The following RBM45 variants were observed in gnomAD, a reference collection of about 807,000 sequenced individuals.
The protein encoded by RBM45 is RNA-binding protein 45.
RBM45 carries 39 observed loss-of-function variants against 58.5 expected under a neutral mutation model. The ratio of observed to expected loss-of-function variants is 0.67; its 90% confidence interval spans 0.52 to 0.87. The LOEUF (loss-of-function observed/expected upper bound fraction) is 0.87. Ranked by LOEUF, RBM45 falls within the 40% of genes least tolerant of loss-of-function variation. RBM45 has a pLI of 0.00. For missense variants in RBM45, 481 were observed against 581.6 expected (o/e 0.83, Z 1.78); for synonymous variants, 193 against 203.0 (o/e 0.95, Z 0.42).
At chr2:178,117,686 A>C (rs1004108666) in intron 2 of RBM45, among the ~76,000 whole-genome samples, 1 of 152,232 alleles carries the variant, frequency 6.6e-6, no homozygotes, top group African/African-American at 2.4e-5. Flanking sequence ...TCTTTAATAA[A>C]GAGGTAGGCA....
intron 2 of RBM45, 44 bp downstream of exon 2, chr2:178,116,428 T>C (rs777133211): frequency 1.3e-5 from 20 of 1,536,286 alleles, no homozygotes; most frequent in Non-Finnish European, 1.6e-5. Context: ...CTCATAGTCC[T>C]GCATAGGTTG....
Position 178,112,857 on chromosome 2 carries a change from C to T in RBM45, c.300+11C>T, listed in dbSNP as rs768052678. ...ACCAAGCCCATCAAGGTGCGGGTGC[C>T]CGGGTCGGGGTGCCCTCGGGGGAAG... On this transcript the variant is annotated intron_variant, in intron 1 of 9. Transcript: ENST00000286070. The T allele has an allele frequency of 1.3e-6, 2 of 1,599,030 alleles. No individual in the cohort carries two copies. The highest frequency in any genetic ancestry group is 1.3e-5 in the African/African-American group (1 of 74,796).
chr2:178,113,778 C>T (rs906795555), intron 1 of RBM45, among the ~76,000 whole-genome samples: 4 of 152,190 alleles, frequency 2.6e-5, no homozygotes, highest in African/African-American at 9.7e-5. Flanking sequence ...TTGTAGCCTT[C>T]GTCTGCCCCA....
chr2:178,137,339 C>T (rs1034300991), exon 4 of RBM45: 10 of 152,152 alleles, frequency 6.6e-5, no homozygotes, highest in African/African-American at 2.2e-4. Flanking sequence ...TAAAGTTGAA[C>T]ATATGTATAC....
At chr2:178,131,292 A>G (rs1201278178), downstream of RBM45, among the ~76,000 whole-genome samples, 1 of 152,224 alleles carries the variant, frequency 6.6e-6, no homozygotes, top group Non-Finnish European at 1.5e-5. Flanking sequence ...TATCTCAAAA[A>G]TATTTCTGCC....
In RBM45 at chr2:178,116,356, CAGA is replaced by C. The variant is rs1559077951; in HGVS notation, c.402_404del (p.Glu134del). The C allele has an allele frequency of 6.2e-7, 1 of 1,604,966 alleles. No homozygotes were observed. Among genetic ancestry groups the C allele is most frequent in the Non-Finnish European group, 8.5e-7 (1 of 1,177,674 alleles). On this transcript the variant is annotated inframe_deletion, in exon 2 of 10. Coordinates refer to ENST00000286070, the MANE Select transcript of RBM45 (RefSeq NM_152945.4). ...TTTGTTATGATACCAAAGTCCTACA[CAGA>C]AGAAGATCTGCGGGAAAAATTTAAG... is the stretch of plus-strand genomic sequence containing the variant.
chr2:178,136,460 T>C (rs2088046204), intron 3 of RBM45: 1 of 152,242 alleles, frequency 6.6e-6, no homozygotes, highest in Non-Finnish European at 1.5e-5. Flanking sequence ...ATTCCTTCAC[T>C]AGTGGCCCTG....
intron 6 of RBM45, 72 bp from the exon 7 acceptor site, chr2:178,123,754 GTC>G: frequency 6.3e-7 from 1 of 1,596,686 alleles, no homozygotes; most frequent in Non-Finnish European, 8.5e-7. Flanking sequence ...AGGTGAGAAA[GTC>G]ACACAAAACA....
At chr2:178,123,476 A>G in intron 5 of RBM45, 46 bp from the exon 6 acceptor site, 1 of 1,523,502 alleles carries the variant, frequency 6.6e-7, no homozygotes, top group East Asian at 2.3e-5. Flanking sequence ...GGCCTTAGGC[A>G]CTCAGTCTGC....
chr2:178,112,823 CCCAA>C lies in RBM45; in HGVS notation c.279_282del (p.Asn94ThrfsTer32). ...GGAGATGCATGGCCAGTGCCTCGGC[CCCAA>C]CGACACCAAGCCCATCAAGGTGCGG... On this transcript the variant is annotated frameshift_variant, in exon 1 of 10. Transcript: ENST00000286070. LOFTEE classifies it high-confidence loss of function. The C allele has an allele frequency of 6.2e-7, 1 of 1,609,900 alleles. No individual in the cohort carries two copies. Among genetic ancestry groups the C allele is most frequent in the Non-Finnish European group, 8.5e-7 (1 of 1,176,776 alleles).
chr2:178,114,978 T>C (rs2087753289), intron 1 of RBM45, among the ~76,000 whole-genome samples: 1 of 152,126 alleles, frequency 6.6e-6, no homozygotes. Flanking sequence ...TTAATTCAGC[T>C]TCAATATTTC....
At chr2:178,133,004 A>T (rs1231035451), downstream of RBM45, among the ~76,000 whole-genome samples, 2 of 152,162 alleles carry the variant, frequency 1.3e-5, no homozygotes, top group African/African-American at 4.8e-5. Context: ...TGTGGTTATG[A>T]TGGGGTGGTC....
chr2:178,121,443 C>T, intron 5 of RBM45, 84 bp downstream of exon 5: 2 of 623,246 alleles, frequency 3.2e-6, no homozygotes. Flanking sequence ...CACACACACA[C>T]AGAGTTTTGT....
downstream of RBM45, among the ~76,000 whole-genome samples, chr2:178,130,733 T>A (rs997363278): frequency 8.5e-5 from 13 of 152,364 alleles, no homozygotes; most frequent in Non-Finnish European, 1.6e-4. Flanking sequence ...ATTATACTTC[T>A]CACATTCTGA....
intron 8 of RBM45, among the ~76,000 whole-genome samples, chr2:178,125,284 G>A (rs1355779200): frequency 6.6e-6 from 1 of 152,142 alleles, no homozygotes; most frequent in Non-Finnish European, 1.5e-5. Context: ...TATGATTCTT[G>A]TCCTCTTAGA....
intron 2 of RBM45, 77 bp downstream of exon 2, chr2:178,116,461 T>C (rs921289785): frequency 9.5e-5 from 124 of 1,300,974 alleles, no homozygotes; most frequent in Non-Finnish European, 1.2e-5. Context: ...ATCTGAAATG[T>C]TGTTGGAATA....
chr2:178,121,468 T>C, intron 5 of RBM45, 109 bp downstream of exon 5: 1 of 551,564 alleles, frequency 1.8e-6, no homozygotes, highest in South Asian at 7.7e-5. Context: ...ATGGCTTTTC[T>C]CTAGTGGCAC....
intron 3 of RBM45, among the ~76,000 whole-genome samples, chr2:178,119,947 G>A (rs972057629): frequency 1.3e-5 from 2 of 152,176 alleles, no homozygotes; most frequent in Non-Finnish European, 2.9e-5. Flanking sequence ...GAAACTTGGT[G>A]ACAGGTTAAA....
At chr2:178,129,171 G>A (rs769851349) in intron 9 of RBM45, among the ~76,000 whole-genome samples, 2 of 152,166 alleles carry the variant, frequency 1.3e-5, no homozygotes, top group Non-Finnish European at 2.9e-5. Flanking sequence ...GTATTTCAGA[G>A]CATCAGATTT....
Sources: allele counts gnomAD v4.1 joint callset (sites outside exome capture counted in the v4.1 genomes callset), GRCh38; gene constraint gnomAD v4.1.1; transcripts MANE v1.5; gene names NCBI Gene and HGNC (gene_info 2026-07-23, HGNC 2026-07-21).